The following PCNX3 variants were observed in gnomAD, a reference collection of about 807,000 sequenced individuals.
The protein encoded by PCNX3 is pecanex 3.
A neutral mutation model predicts 207.2 loss-of-function variants in PCNX3; 58 were observed. That is an observed-to-expected ratio of 0.28 (90% confidence interval 0.23 to 0.35). The LOEUF (loss-of-function observed/expected upper bound fraction) is 0.35. Among genes scored for constraint, PCNX3 ranks in the 10% least tolerant of loss-of-function variants. The pLI is 1.00. For synonymous variants in PCNX3, 1,337 were observed against 1,183.5 expected, an observed-to-expected ratio of 1.13 and a Z score of -2.66; for missense variants, 2,410 against 2,774.4, an observed-to-expected ratio of 0.87 and a Z score of 2.95.
Position 65,637,393 on chromosome 11 carries a change from T to C in PCNX3, c.*415T>C, listed in dbSNP as rs1243396483. On this transcript the variant is annotated 3_prime_UTR_variant, in exon 35 of 35. Transcript: ENST00000355703. Reference sequence around the variant, plus strand: ...TTTTCTTTTCTTTTTTTTTTTTTTTTTTGTGCTTCGGAGACATCAGAATTA... The same window carrying C: ...TTTTCTTTTCTTTTTTTTTTTTTTTCTTGTGCTTCGGAGACATCAGAATTA... The C allele has an allele frequency of 5.6e-6, 1 of 178,340 alleles. No individual in the cohort carries two copies. Among genetic ancestry groups the C allele is most frequent in the Non-Finnish European group, 1.2e-5 (1 of 84,576 alleles). The allele number at this position is 178,340 out of a possible 1,614,324, so 11.0% of individuals were successfully genotyped here.
In PCNX3 at chr11:65,616,897, C is replaced by T. The variant is rs780809735; in HGVS notation, c.227C>T (p.Thr76Ile). 1.8e-5 allele frequency: 29 copies of T among 1,613,542 alleles called. No homozygotes were observed. The highest frequency in any genetic ancestry group is 1.3e-4 in the East Asian group (6 of 44,900). Residue 76 changes from threonine (T) to isoleucine (I), a missense_variant, in exon 2 of 35, where the codon ACT becomes ATT. By Grantham distance (89) the Thr-to-Ile change is moderately conservative (BLOSUM62 -1). Transcript: ENST00000355703. The stretch of plus-strand genomic sequence containing the variant: ...GCTGTCATCTTTGCTACTATCAAGA[C>T]TGTCAATTATCGGCTTCATGCCATG... ...VVAVIFATIK[T>I]VNYRLHAMFD...
chr11:65,635,859 G>A lies in PCNX3; in HGVS notation c.5459+56G>A, dbSNP rs1016903658. Reference sequence around the variant, plus strand: ...GCGGGAGGAAGCTGAGGTGCAGTACGTCCCTCCTGGGTCTCAGAGGGAGGA... The same window carrying A: ...GCGGGAGGAAGCTGAGGTGCAGTACATCCCTCCTGGGTCTCAGAGGGAGGA... On this transcript the variant is annotated intron_variant, in intron 32 of 34. Coordinates refer to ENST00000355703, the MANE Select transcript of PCNX3 (RefSeq NM_032223.4). This position sits in a 1 kb window ranked among gnomAD's most constrained non-coding sequence, Gnocchi z 9.9. 2.6e-6 allele frequency: 4 copies of A among 1,539,146 alleles called. No individual in the cohort carries two copies. The highest frequency in any genetic ancestry group is 2.3e-5 in the East Asian group (1 of 43,244).
Position 65,637,380 on chromosome 11 carries a change from T to TTC in PCNX3, c.*403_*404insCT, listed in dbSNP as rs1555002126. 7.2e-4 allele frequency: 115 copies of TTC among 160,502 alleles called. No homozygotes were observed. The highest frequency in any genetic ancestry group is 2.7e-3 in the African/African-American group (111 of 41,384). 9.9% of individuals were successfully genotyped at this position (160,502 alleles called of 1,614,324 possible). A position where few individuals can be genotyped will look rare whatever the true frequency, so the allele number is the denominator to read the frequency against. On this transcript the variant is annotated 3_prime_UTR_variant, in exon 35 of 35. Coordinates refer to ENST00000355703, the MANE Select transcript of PCNX3 (RefSeq NM_032223.4). The stretch of plus-strand genomic sequence containing the variant: ...TTTCTTTCCTTTTTTTTCTTTTCTT[T>TTC]TTTTTTTTTTTTTTTGTGCTTCGGA...
intron 27 of PCNX3, 110 bp from the exon 28 acceptor site, chr11:65,634,016 A>T: frequency 9.6e-7 from 1 of 1,037,810 alleles, no homozygotes; most frequent in East Asian, 2.6e-5. Flanking sequence ...GGGGCATCCC[A>T]GAAAGCGGAC....
rs1195766999 is a variant in PCNX3 at position 65,616,935 on chromosome 11, G to A, written c.265G>A (p.Glu89Lys). 2.5e-6 allele frequency: 4 copies of A among 1,613,476 alleles called. No homozygotes were observed. The highest frequency in any genetic ancestry group is 1.1e-5 in the South Asian group (1 of 91,074). Residue 89 changes from glutamate to lysine, a missense_variant, in exon 2 of 35, where the codon GAG (glutamate) becomes AAG (lysine). This residue lies in a region of PCNX3 where 1,104 missense variants were observed against 970.3 expected (regional missense o/e 1.14). Coordinates refer to ENST00000355703, the MANE Select transcript of PCNX3 (RefSeq NM_032223.4). ...GCTTCATGCCATGTTTGACCAGGGC[G>A]AGATCGTGGAGAAGCGCAGCTCTAC... Reference protein sequence around the residue: ...YRLHAMFDQGEIVEKRSSTMG... With the variant: ...YRLHAMFDQGKIVEKRSSTMG...
At position 65,623,478 on chromosome 11, in the gene PCNX3, G is replaced by T. The variant is rs1590882381; in HGVS notation, c.2358-13G>T. On this transcript the variant is annotated splice_polypyrimidine_tract_variant and intron_variant, in intron 11 of 34. Transcript: ENST00000355703. ...GGCAAGACGGGCACGCCCTGACTAG[G>T]CTGTCCCTGCAGGACGCGGGGAGTG... 5 of 1,590,194 alleles carry T rather than the reference G, an allele frequency of 3.1e-6. No individual in the cohort carries two copies. The East Asian group carries it at 1.1e-4, about 36-fold the overall frequency.
intron 20 of PCNX3, chr11:65,626,324 A>G (rs1012941932): frequency 3.1e-6 from 2 of 637,454 alleles, no homozygotes; most frequent in Non-Finnish European, 5.8e-6. Flanking sequence ...GAAGAATTAG[A>G]ACCCCAGGGC....
intron 1 of PCNX3, 146 bp from the exon 2 acceptor site, chr11:65,616,678 C>T (rs756885740): frequency 1.3e-4 from 132 of 1,025,366 alleles, no homozygotes; most frequent in Non-Finnish European, 1.7e-4. Flanking sequence ...ATACAGAGCC[C>T]TTTGTCGAGG....
At position 65,634,339 on chromosome 11, in the gene PCNX3, G is replaced by A. The variant is rs1855737632; in HGVS notation, c.4684G>A (p.Ala1562Thr). The A allele has an allele frequency of 3.1e-6, 5 of 1,589,834 alleles. No homozygotes were observed. The highest frequency in any genetic ancestry group is 2.3e-5 in the East Asian group (1 of 43,668). ...GCACCTCGAGTGGATCCAGTACTGCGCCTCCCGGCGCAGCCAGGTCAGGCT... is the reference window on the plus strand; with the variant it reads ...GCACCTCGAGTGGATCCAGTACTGCACCTCCCGGCGCAGCCAGGTCAGGCT... ...AVHLEWIQYC[A>T]SRRSQPVDQD... is the part of the protein sequence containing the mutation. Residue 1562 changes from alanine (A) to threonine (T), a missense_variant, in exon 28 of 35, where the codon GCC becomes ACC. Ala to Thr is a moderately conservative substitution (Grantham distance 58). Coordinates refer to ENST00000355703, the MANE Select transcript of PCNX3 (RefSeq NM_032223.4).
At chr11:65,626,256 GC>G in intron 20 of PCNX3, 1 of 770,546 alleles carries the variant, frequency 1.3e-6, no homozygotes, top group Non-Finnish European at 2.2e-6. Context: ...GCCCTGCTGT[GC>G]CCTTCCCTTG....
At chr11:65,634,696 A>T in intron 29 of PCNX3, 55 bp downstream of exon 29, 3 of 1,453,304 alleles carry the variant, frequency 2.1e-6, no homozygotes, top group Non-Finnish European at 2.8e-6. Flanking sequence ...CACCTCTTCC[A>T]CGAAGAGCAC....
At position 65,630,572 on chromosome 11, in the gene PCNX3, C is replaced by T; in HGVS notation, c.4438C>T (p.Leu1480Phe). 6.2e-7 allele frequency: 1 copy of T among 1,613,038 alleles called. No homozygotes were observed. Among genetic ancestry groups the T allele is most frequent in the Non-Finnish European group, 8.5e-7 (1 of 1,179,480 alleles). Residue 1480 changes from leucine to phenylalanine, a missense_variant, in exon 27 of 35, where the codon CTC becomes TTC. Leu to Phe is a conservative substitution (Grantham distance 22). Transcript: ENST00000355703. ...NAASMLQVFD[L>F]RKILITYYVK... is the part of the protein sequence containing the mutation. Reference sequence around the variant, plus strand: ...TGCCTCCATGCTGCAGGTTTTCGACCTCCGCAAGATCCTCATCACCTACTA... The same window carrying T: ...TGCCTCCATGCTGCAGGTTTTCGACTTCCGCAAGATCCTCATCACCTACTA...
intron 10 of PCNX3, 48 bp from the exon 11 acceptor site, chr11:65,622,197 G>T (rs773366388): frequency 1.3e-6 from 2 of 1,574,706 alleles, no homozygotes; most frequent in Non-Finnish European, 8.6e-7. Context: ...GCGGCTGTGG[G>T]GACTGCAGTT....
rs200615177 is a variant in PCNX3, at chr11:65,618,513, A to G, written c.1151A>G (p.Lys384Arg). The G allele has an allele frequency of 1.2e-4, 197 of 1,611,394 alleles. No homozygotes were observed. Among genetic ancestry groups the G allele is most frequent in the Non-Finnish European group, 9.3e-5 (110 of 1,179,314 alleles). Residue 384 changes from lysine (K) to arginine (R), a missense_variant, in exon 6 of 35, where the codon AAG (lysine) becomes AGG (arginine). By Grantham distance (26) the Lys-to-Arg change is conservative. Around this residue, in one of 8 missense-constraint regions of PCNX3, gnomAD observed 1,104 missense variants for 970.3 expected, o/e 1.14. Transcript: ENST00000355703. ...LAEPLLVVRP[K>R]DLALLRPSKR... is the part of the protein sequence containing the mutation. ...GAGCCGCTCCTGGTCGTGCGGCCCA[A>G]GGACTTGGCCCTGCTACGGCCTAGC...
chr11:65,635,226 C>T lies in PCNX3; in HGVS notation c.4962C>T (p.Phe1654=), dbSNP rs1335574579. Residue 1654 remains phenylalanine (F), a synonymous_variant, in exon 31 of 35, where the codon TTC becomes TTT. Coordinates refer to ENST00000355703, the MANE Select transcript of PCNX3 (RefSeq NM_032223.4). This position sits in a 1 kb window ranked among gnomAD's most constrained non-coding sequence, Gnocchi z 9.9. ...CCCGTCTTCTCTACCAGGACCACTT[C>T]ACGTCCCCAGATGAATATGAGGAGC... ...RMALKLHQDH[F]TSPDEYEEPA... is the part of the protein sequence containing the mutation. 1 of 1,588,208 alleles carries T rather than the reference C, an allele frequency of 6.3e-7. No homozygotes were observed. The highest frequency in any genetic ancestry group is 8.6e-7 in the Non-Finnish European group (1 of 1,167,302).
intron 22 of PCNX3, 104 bp downstream of exon 22, chr11:65,627,686 C>G: frequency 7.3e-7 from 1 of 1,378,758 alleles, no homozygotes; most frequent in Non-Finnish European, 1.0e-6. Flanking sequence ...GGCCACCGCT[C>G]TGTATCAGCC....
At position 65,619,520 on chromosome 11, in the gene PCNX3, G is replaced by T. The variant is rs1036235269; in HGVS notation, c.1706-17G>T. ...TGAGCATCTGTCACTTACACTTGGG[G>T]GCCTCTCTCTGGGCAGCGGCCGAGG... is the stretch of plus-strand genomic sequence containing the variant. On this transcript the variant is annotated splice_polypyrimidine_tract_variant and intron_variant, in intron 6 of 34. Transcript: ENST00000355703. The T allele has an allele frequency of 6.2e-6, 10 of 1,610,186 alleles. No homozygotes were observed. In the African/African-American group the frequency reaches 1.3e-4, roughly 21 times the overall value.
chr11:65,625,606 G>GTGTCTCTCCTGGCCGGGCAGCTGAA lies in PCNX3; in HGVS notation c.3136-31_3136-7dup. On this transcript the variant is annotated intron_variant, in intron 18 of 34. Coordinates refer to ENST00000355703, the MANE Select transcript of PCNX3 (RefSeq NM_032223.4). The surrounding 1 kb of genome is among the most constrained non-coding windows in gnomAD (Gnocchi z 5.6). Reference sequence around the variant, plus strand: ...CCAGCTTGGGCTGCTGGGCAGCTGAGTGTCTCTCCTGGCCGGGCAGCTGAA... The same window carrying GTGTCTCTCCTGGCCGGGCAGCTGAA: ...CCAGCTTGGGCTGCTGGGCAGCTGAGTGTCTCTCCTGGCCGGGCAGCTGAATGTCTCTCCTGGCCGGGCAGCTGAA... 1.2e-6 allele frequency: 2 copies of GTGTCTCTCCTGGCCGGGCAGCTGAA among 1,602,184 alleles called. No individual in the cohort carries two copies. The highest frequency in any genetic ancestry group is 2.2e-5 in the South Asian group (2 of 89,692).
At chr11:65,619,335 G>A in intron 6 of PCNX3, 3 of 642,972 alleles carry the variant, frequency 4.7e-6, no homozygotes, top group Non-Finnish European at 5.8e-6. Flanking sequence ...ACCACCAGTG[G>A]GGTGGGGCAG....
Sources: gnomAD v4.1 joint callset for allele counts on GRCh38, gnomAD v4.1.1 for gene constraint, gnomAD v4.1.1 regional missense constraint, Gnocchi (gnomAD v3.1) non-coding constraint, MANE v1.5 for transcripts, NCBI Gene and HGNC (gene_info 2026-07-23, HGNC 2026-07-21) for gene names.